Variants in SYNE1 observed in about 807,000 individuals in gnomAD.
SYNE1 encodes spectrin repeat containing nuclear envelope protein 1.
A neutral mutation model predicts 1,111.0 loss-of-function variants in SYNE1; 616 were observed. The observed-to-expected ratio is 0.55, with a 90% confidence interval of 0.52 to 0.59. SYNE1 has a LOEUF of 0.59. Among genes scored for constraint, SYNE1 ranks in the 20% least tolerant of loss-of-function variants. The pLI is 0.00. For missense variants in SYNE1, 10,006 were observed against 10,417.0 expected, an observed-to-expected ratio of 0.96 and a Z score of 1.72; for synonymous variants, 3,855 against 3,825.8, an observed-to-expected ratio of 1.01 and a Z score of -0.28.
chr6:152,480,005 T>C (rs534315820), intron 14 of SYNE1, among the ~76,000 whole-genome samples: 38 of 152,342 alleles, frequency 2.5e-4, no homozygotes, highest in African/African-American at 8.4e-4. Context: ...TTTGATAGCT[T>C]GTTCAAGTTT....
chr6:152,354,643 T>A lies in SYNE1; in HGVS notation c.10926+16A>T, dbSNP rs372585654. The stretch of plus-strand genomic sequence containing the variant: ...CTGTAGCTTTGACAAAGATCAGGAA[T>A]CTACATGAGTTGTACCTTCATCTGA... On this transcript the variant is annotated intron_variant, in intron 67 of 145. Transcript: ENST00000367255. The A allele has an allele frequency of 1.5e-5, 24 of 1,612,828 alleles. 1 individual carries two copies. The East Asian group carries it at 2.5e-4, about 16-fold the overall frequency.
intron 14 of SYNE1, chr6:152,480,762 A>G (rs1593576160): frequency 2.2e-6 from 1 of 455,954 alleles, no homozygotes; most frequent in African/African-American, 2.0e-5. Context: ...TTATCTCTTT[A>G]TTACATTCCT....
chr6:152,411,105 G>A (rs911394675), intron 42 of SYNE1, among the ~76,000 whole-genome samples: 1 of 152,136 alleles, frequency 6.6e-6, no homozygotes, highest in Non-Finnish European at 1.5e-5. Context: ...TAAAATATAT[G>A]TTGAGGGTCA....
chr6:152,569,506 TAAAG>T (rs1454570595), intron 3 of SYNE1, among the ~76,000 whole-genome samples: 4 of 152,018 alleles, frequency 2.6e-5, no homozygotes, highest in African/African-American at 7.2e-5. Context: ...GTAAGTTTAA[TAAAG>T]AAGAGAAAAG....
intron 11 of SYNE1, among the ~76,000 whole-genome samples, chr6:152,491,581 A>G (rs960118791): frequency 1.3e-5 from 2 of 152,148 alleles, no homozygotes; most frequent in South Asian, 2.1e-4. Context: ...CAAACTCAAC[A>G]ATGGTTCTAA....
intron 107 of SYNE1, 101 bp downstream of exon 107, chr6:152,242,139 A>G: frequency 8.4e-7 from 1 of 1,194,324 alleles, no homozygotes; most frequent in East Asian, 2.4e-5. Context: ...GTAAGAACTC[A>G]TAAAAGACTG....
At chr6:152,464,989 C>G in intron 18 of SYNE1, 3 of 497,940 alleles carry the variant, frequency 6.0e-6, no homozygotes, top group Non-Finnish European at 3.7e-6. Flanking sequence ...AGGCTGGGGC[C>G]CTAGACACTC....
intron 45 of SYNE1, 77 bp from the exon 46 acceptor site, chr6:152,404,391 C>T: frequency 8.6e-7 from 1 of 1,165,010 alleles, no homozygotes; most frequent in Non-Finnish European, 1.3e-6. Flanking sequence ...TCAAGAAGAG[C>T]TAACTTTGTC....
intron 129 of SYNE1, chr6:152,179,361 T>C (rs1157922104): frequency 6.6e-6 from 1 of 151,968 alleles, no homozygotes; most frequent in Non-Finnish European, 1.5e-5. Flanking sequence ...ATCAGGAAAC[T>C]CTTAATTCCT....
At chr6:152,458,563 A>G (rs984964514) in intron 22 of SYNE1, among the ~76,000 whole-genome samples, 194 bp downstream of exon 22, 8 of 152,216 alleles carry the variant, frequency 5.3e-5, no homozygotes, top group African/African-American at 1.7e-4. Flanking sequence ...GGAAACAAAC[A>G]GCTCACATAG....
intron 3 of SYNE1, among the ~76,000 whole-genome samples, chr6:152,559,031 G>C (rs189037467): frequency 6.0e-5 from 7 of 116,662 alleles, no homozygotes; most frequent in African/African-American, 2.4e-4. Context: ...TTTTTAGAGA[G>C]AGGGTCGCAT....
chr6:152,594,314 G>T (rs1437475498), intron 3 of SYNE1, among the ~76,000 whole-genome samples: 1 of 152,178 alleles, frequency 6.6e-6, no homozygotes, highest in Non-Finnish European at 1.5e-5. Flanking sequence ...CACCTCATGT[G>T]CAGGAACAGC....
chr6:152,140,698 G>T (rs1260707016), intron 139 of SYNE1, among the ~76,000 whole-genome samples: 3 of 151,962 alleles, frequency 2.0e-5, no homozygotes, highest in Non-Finnish European at 2.9e-5. Context: ...TGAAACATGG[G>T]CAAACACTAC....
At chr6:152,222,153 T>G (rs1033438927) in intron 117 of SYNE1, among the ~76,000 whole-genome samples, 1 of 152,232 alleles carries the variant, frequency 6.6e-6, no homozygotes, top group Admixed American at 6.5e-5. Context: ...AGGGGAAGGA[T>G]GCAGGGATAG....
chr6:152,296,585 T>G (rs971014217), intron 93 of SYNE1, among the ~76,000 whole-genome samples: 4 of 152,216 alleles, frequency 2.6e-5, no homozygotes, highest in Non-Finnish European at 5.9e-5. Flanking sequence ...TGGTTCAAGT[T>G]CTCATTACAG....
chr6:152,457,110 A>G (rs745665426), intron 22 of SYNE1, among the ~76,000 whole-genome samples: 4 of 152,186 alleles, frequency 2.6e-5, no homozygotes, highest in Non-Finnish European at 5.9e-5. Flanking sequence ...TCTCTATCCA[A>G]TACAATGAGA....
intron 2 of SYNE1, among the ~76,000 whole-genome samples, chr6:152,633,274 T>C (rs1243312152): frequency 1.3e-5 from 2 of 152,190 alleles, no homozygotes; most frequent in Admixed American, 6.5e-5. Context: ...TCCAAATTTT[T>C]CCAGGGGAAG....
chr6:152,310,095 T>C (rs1034055683), intron 89 of SYNE1, 78 bp from the exon 90 acceptor site: 93 of 1,486,176 alleles, frequency 6.3e-5, no homozygotes, highest in Non-Finnish European at 8.3e-5. Context: ...TAAATTATAG[T>C]TACGTTGCAA....
rs762955807 is a variant in SYNE1, at chr6:152,359,351, T to C, written c.10407A>G (p.Leu3469=). ...CTTGGATGGCTCTGTATCGTTCCTG[T>C]AGATCCTGGAGTTCTAGCTGGGTGA... ...HYVTQLELQD[L]QERYRAIQER... The change falls in exon 65 of 146, where the codon CTA becomes CTG. Residue 3469 remains leucine, a synonymous_variant. Coordinates refer to ENST00000367255, the MANE Select transcript of SYNE1 (RefSeq NM_182961.4). 15 of 1,614,200 alleles carry C rather than the reference T, an allele frequency of 9.3e-6. No individual in the cohort carries two copies. The highest frequency in any genetic ancestry group is 2.2e-5 in the East Asian group (1 of 44,874).
Sources: allele counts gnomAD v4.1 joint callset (sites outside exome capture counted in the v4.1 genomes callset), GRCh38; gene constraint gnomAD v4.1.1; transcripts MANE v1.5; gene names NCBI Gene and HGNC (gene_info 2026-07-23, HGNC 2026-07-21).